The following BCAR3 variants were observed in gnomAD, a reference collection of about 807,000 sequenced individuals.
BCAR3 encodes the protein BCAR3 adaptor protein, NSP family member.
BCAR3 carries 37 observed loss-of-function variants against 80.1 expected under a neutral mutation model. The observed-to-expected ratio is 0.46, with a 90% CI of 0.36 to 0.61. The LOEUF (loss-of-function observed/expected upper bound fraction) is 0.61. Ranked by LOEUF, BCAR3 falls within the 20% of genes least tolerant of loss-of-function variation. The probability of loss-of-function intolerance (pLI) is 0.00; values close to 1 mark genes in which losing one functional copy is unlikely to be tolerated. For synonymous variants in BCAR3, 389 were observed against 418.9 expected, an observed-to-expected ratio of 0.93 and a Z score of 0.87; for missense variants, 978 against 1,068.2, an observed-to-expected ratio of 0.92 and a Z score of 1.18.
At chr1:93,679,971 T>C (rs1423533661) in intron 1 of BCAR3, among the ~76,000 whole-genome samples, 2 of 152,238 alleles carry the variant, frequency 1.3e-5, no homozygotes, top group African/African-American at 4.8e-5. Flanking sequence ...ACAGAGAATT[T>C]ACAACTTGGA....
chr1:93,762,229 T>G (rs527468058), intron 2 of BCAR3, among the ~76,000 whole-genome samples: 3 of 152,346 alleles, frequency 2.0e-5, no homozygotes, highest in South Asian at 2.1e-4. Context: ...CTCACTTTCA[T>G]GATGCACAGT....
intron 3 of BCAR3, among the ~76,000 whole-genome samples, chr1:93,601,286 G>A (rs757738483): frequency 6.6e-6 from 1 of 152,202 alleles, no homozygotes; most frequent in Non-Finnish European, 1.5e-5. Flanking sequence ...AGGTTTTAGA[G>A]ATATCTGGCC....
intron 2 of BCAR3, among the ~76,000 whole-genome samples, chr1:93,715,295 T>C (rs574004448): frequency 1.3e-5 from 2 of 152,374 alleles, no homozygotes; most frequent in African/African-American, 4.8e-5. Context: ...TTAGAAATGT[T>C]TTCTTAACTT....
At position 93,796,468 on chromosome 1, in the gene BCAR3, A is replaced by AC. The variant is rs1403048959; in HGVS notation, c.-63+49098dup. Among the ~76,000 whole-genome samples the AC allele has an allele frequency of 4.7e-5, 7 of 147,902 alleles. 1 individual carries two copies. The East Asian group carries it at 1.4e-3, about 30-fold the overall frequency. ...TTTGACTCGGAAAGGGAACTCCCTG[A>AC]CCCCTTGCGCTTCCCAGGTGAGGCA... On this transcript the variant is annotated intron_variant, in intron 2 of 13. Transcript: ENST00000370244.
At chr1:93,785,982 A>G (rs1305108584) in intron 2 of BCAR3, among the ~76,000 whole-genome samples, 1 of 145,398 alleles carries the variant, frequency 6.9e-6, no homozygotes, top group East Asian at 2.1e-4. Context: ...TCATGAGGTC[A>G]GGAGATCAAG....
intron 3 of BCAR3, among the ~76,000 whole-genome samples, chr1:93,633,550 C>T (rs1303396872): frequency 1.3e-5 from 2 of 152,172 alleles, no homozygotes; most frequent in Non-Finnish European, 2.9e-5. Context: ...AAGGGTCTGG[C>T]CTCCCTGGTG....
intron 2 of BCAR3, among the ~76,000 whole-genome samples, chr1:93,710,635 T>G (rs540615935): frequency 6.6e-6 from 1 of 152,296 alleles, no homozygotes; most frequent in African/African-American, 2.4e-5. Context: ...GTCGCATTGG[T>G]CTTCTTTCGG....
In BCAR3 at chr1:93,642,308, A is replaced by G. The variant is rs1483808231; in HGVS notation, c.353T>C (p.Val118Ala). Residue 118 changes from valine to alanine, a missense_variant, in exon 3 of 12, where the codon GTG (valine) becomes GCG (alanine). Physicochemically the swap from Val to Ala is moderately conservative, Grantham distance 64. Coordinates refer to ENST00000260502, the MANE Select transcript of BCAR3 (RefSeq NM_003567.4). ...PHLLDPTVEY[V>A]KFSKERHIMD... is the part of the protein sequence containing the mutation. ...TGTTTAATTCTCATTTCCTACCTTC[A>G]CATATTCCACAGTTGGGTCCAGAAG... is the stretch of plus-strand genomic sequence containing the variant. 1 of 1,613,680 alleles carries G rather than the reference A, an allele frequency of 6.2e-7. No homozygotes were observed. The highest frequency in any genetic ancestry group is 1.3e-5 in the African/African-American group (1 of 75,046).
chr1:93,615,401 T>C (rs1056693931), intron 3 of BCAR3, among the ~76,000 whole-genome samples: 2 of 152,238 alleles, frequency 1.3e-5, no homozygotes, highest in East Asian at 3.9e-4. Context: ...CGTGTCAACA[T>C]GGGGATGGAG....
At chr1:93,695,310 C>T (rs777828487) in intron 3 of BCAR3, among the ~76,000 whole-genome samples, 2 of 152,162 alleles carry the variant, frequency 1.3e-5, no homozygotes, top group Non-Finnish European at 2.9e-5. Context: ...CATCACAAAT[C>T]TAGGGTAAGC....
At chr1:93,674,549 C>T (rs1194116850) in intron 2 of BCAR3, 65 bp downstream of exon 2, 6 of 1,546,040 alleles carry the variant, frequency 3.9e-6, no homozygotes, top group Non-Finnish European at 4.4e-6. Flanking sequence ...CACGCCCGGC[C>T]ATAAAAACCT....
intron 3 of BCAR3, among the ~76,000 whole-genome samples, chr1:93,621,264 G>A (rs755740998): frequency 6.6e-6 from 1 of 152,252 alleles, no homozygotes; most frequent in African/African-American, 2.4e-5. Context: ...TGACGTACTG[G>A]ATAATTCTGT....
chr1:93,618,937 T>G (rs1255153318), intron 3 of BCAR3, among the ~76,000 whole-genome samples: 14 of 147,424 alleles, frequency 9.5e-5, no homozygotes, highest in African/African-American at 2.9e-4. Context: ...TTTTTTTTTT[T>G]TGTTTTTTTT....
rs148850847 is a variant in BCAR3, at chr1:93,602,801, A to C, written c.358-10408T>G. Among the ~76,000 whole-genome samples the C allele has an allele frequency of 7.2e-4, 110 of 152,370 alleles. No individual in the cohort carries two copies. In the East Asian group the frequency reaches 0.021, roughly 29 times the overall value. ...TAAACCCTGCCCGAAGCTGAAAATA[A>C]AAATCCAGTTCTCCACAAGTTTGAA... On this transcript the variant is annotated intron_variant, in intron 3 of 11. Transcript: ENST00000260502.
At chr1:93,618,245 T>C (rs983640568) in intron 3 of BCAR3, among the ~76,000 whole-genome samples, 8 of 152,202 alleles carry the variant, frequency 5.3e-5, no homozygotes, top group African/African-American at 2.4e-5. Flanking sequence ...CCTTTGTGTA[T>C]TGCTGTGGAC....
intron 2 of BCAR3, among the ~76,000 whole-genome samples, chr1:93,778,668 A>G (rs1238832348): frequency 6.6e-6 from 1 of 152,090 alleles, no homozygotes; most frequent in Non-Finnish European, 1.5e-5. Flanking sequence ...GCCACCTGCC[A>G]GTTCTGGCTC....
chr1:93,688,597 CTTAT>C (rs1167332033), intron 3 of BCAR3, among the ~76,000 whole-genome samples: 2 of 151,166 alleles, frequency 1.3e-5, no homozygotes, highest in African/African-American at 2.4e-5. Flanking sequence ...TTTTACATTA[CTTAT>C]TTATTTATTT....
chr1:93,716,009 G>A (rs144874817), intron 2 of BCAR3, among the ~76,000 whole-genome samples: 7 of 152,316 alleles, frequency 4.6e-5, no homozygotes, highest in African/African-American at 1.7e-4. Context: ...TCTCTCCCCT[G>A]CCCTTCCAGC....
intron 2 of BCAR3, among the ~76,000 whole-genome samples, chr1:93,707,000 C>T (rs1034044577): frequency 2.0e-5 from 3 of 151,916 alleles, no homozygotes; most frequent in African/African-American, 7.3e-5. Context: ...CATGGTGAAA[C>T]CCCGTCTCTA....
Sources: gnomAD v4.1 joint callset for allele counts (sites outside exome capture counted in the v4.1 genomes callset) on GRCh38, gnomAD v4.1.1 for gene constraint, MANE v1.5 for transcripts, NCBI Gene and HGNC (gene_info 2026-07-23, HGNC 2026-07-21) for gene names.